The following IKBKB-DT variants were observed in gnomAD, a reference collection of about 807,000 sequenced individuals.
IKBKB-DT encodes the protein IKBKB divergent transcript, also known as IKBKB antisense RNA.
intron 3 of IKBKB-DT, among the ~76,000 whole-genome samples, chr8:42,247,311 C>T (rs926804617): frequency 2.6e-5 from 4 of 152,174 alleles, no homozygotes; most frequent in East Asian, 1.9e-4. Flanking sequence ...TGCTGGATTT[C>T]GGACTTGCAT....
At chr8:42,237,094 T>C (rs945501583) in intron 3 of IKBKB-DT, among the ~76,000 whole-genome samples, 41 of 148,678 alleles carry the variant, frequency 2.8e-4, no homozygotes. Context: ...TTTTTTTTTG[T>C]TTGTTTGTTT....
chr8:42,257,930 CTT>C (rs771867322), intron 3 of IKBKB-DT, among the ~76,000 whole-genome samples: 86 of 140,376 alleles, frequency 6.1e-4, no homozygotes, highest in Non-Finnish European at 6.4e-4. Flanking sequence ...ATACAGTTTT[CTT>C]TTTTTTTTTT....
At chr8:42,239,018 G>A (rs1264020256) in intron 3 of IKBKB-DT, among the ~76,000 whole-genome samples, 1 of 152,100 alleles carries the variant, frequency 6.6e-6, no homozygotes, top group African/African-American at 2.4e-5. Context: ...TTTCTGTGCA[G>A]CACACAAGAA....
intron 3 of IKBKB-DT, among the ~76,000 whole-genome samples, chr8:42,247,127 C>T (rs117714124): frequency 4.9e-4 from 75 of 152,244 alleles, no homozygotes; most frequent in African/African-American, 1.1e-3. Flanking sequence ...CCACAGACAA[C>T]GCCACAAACA....
chr8:42,266,964 T>A (rs2129937652), intron 1 of IKBKB-DT, among the ~76,000 whole-genome samples: 1 of 152,116 alleles, frequency 6.6e-6, no homozygotes, highest in South Asian at 2.1e-4. Context: ...GTAGCCGTTC[T>A]GTTATTCCTT....
At chr8:42,265,062 C>T (rs1464297576) in intron 2 of IKBKB-DT, among the ~76,000 whole-genome samples, 1 of 152,038 alleles carries the variant, frequency 6.6e-6, no homozygotes, top group Non-Finnish European at 1.5e-5. Context: ...GGGGTTTCAC[C>T]ATGTTGGTCA....
At position 42,244,473 on chromosome 8, in the gene IKBKB-DT, C is replaced by A. The variant is rs183628926; in HGVS notation, n.1530-10614G>T. The stretch of plus-strand genomic sequence containing the variant: ...GGTAAACAGACCTGATTTAAGTATG[C>A]CACATTCCTTTTACTTCTTTTAATC... On this transcript the variant is annotated intron_variant and non_coding_transcript_variant, in intron 3 of 3. Coordinates refer to ENST00000518213, the Ensembl canonical transcript of IKBKB-DT. Among the ~76,000 whole-genome samples, 347 of 152,254 alleles carry A rather than the reference C, an allele frequency of 2.3e-3. 1 individual carries two copies. Among genetic ancestry groups the A allele is most frequent in the South Asian group, 2.7e-3 (13 of 4,822 alleles).
intron 3 of IKBKB-DT, among the ~76,000 whole-genome samples, chr8:42,257,983 A>T (rs752903878): frequency 1.3e-5 from 2 of 151,748 alleles, no homozygotes; most frequent in Non-Finnish European, 2.9e-5. Flanking sequence ...AGTCTTCTTA[A>T]GTAATCAAAC....
chr8:42,247,075 A>G (rs960719036), intron 3 of IKBKB-DT, among the ~76,000 whole-genome samples: 1 of 152,120 alleles, frequency 6.6e-6, no homozygotes, highest in African/African-American at 2.4e-5. Flanking sequence ...AGACCCCAAA[A>G]TGGTAGATCC....
intron 2 of IKBKB-DT, among the ~76,000 whole-genome samples, chr8:42,265,156 C>T (rs1261660151): frequency 6.6e-6 from 1 of 152,176 alleles, no homozygotes; most frequent in East Asian, 1.9e-4. Flanking sequence ...AGCCATCGTG[C>T]CCAGCCCATT....
chr8:42,267,159 C>T (rs7018256), intron 1 of IKBKB-DT, among the ~76,000 whole-genome samples: 5,465 of 152,040 alleles, frequency 0.036, 329 homozygotes, highest in African/African-American at 0.13. Flanking sequence ...CGCCCGCCAC[C>T]ATGCCTGGCT....
intron 3 of IKBKB-DT, among the ~76,000 whole-genome samples, chr8:42,237,016 G>A (rs895910583): frequency 3.3e-5 from 5 of 151,646 alleles, no homozygotes; most frequent in South Asian, 2.1e-4. Flanking sequence ...CACCACACCC[G>A]GCCAATGTAG....
chr8:42,250,941 A>G (rs1262366489), intron 3 of IKBKB-DT, among the ~76,000 whole-genome samples: 3 of 152,206 alleles, frequency 2.0e-5, no homozygotes, highest in Non-Finnish European at 2.9e-5. Context: ...TCCTAGAGAA[A>G]CAAATGGAGG....
At chr8:42,268,809 TGCCTACCTTG>T (rs892856474) in intron 1 of IKBKB-DT, among the ~76,000 whole-genome samples, 1 of 152,072 alleles carries the variant, frequency 6.6e-6, no homozygotes, top group Non-Finnish European at 1.5e-5. Flanking sequence ...TCAAGTGATC[TGCCTACCTTG>T]GCCTCCCAAA....
rs530710609 is a variant in IKBKB-DT, at chr8:42,262,661, G to A, written n.1529+668C>T. 5.8e-3 allele frequency among the ~76,000 whole-genome samples: 877 copies of A among 151,958 alleles called. 6 individuals carry two copies. The highest frequency in any genetic ancestry group is 0.012 in the South Asian group (57 of 4,818). ...TCACCGTGTTAGCCAGGATGGTCTC[G>A]ATCTCCTGACCTCGTGATCCGCCCG... On this transcript the variant is annotated intron_variant and non_coding_transcript_variant, in intron 3 of 3. Transcript: ENST00000518213.
intron 1 of IKBKB-DT, among the ~76,000 whole-genome samples, chr8:42,268,956 C>CTATT (rs1807421734): frequency 1.3e-5 from 2 of 152,176 alleles, no homozygotes; most frequent in African/African-American, 4.8e-5. Flanking sequence ...TGTGTTACAA[C>CTATT]TATTTACTCA....
chr8:42,262,848 C>T (rs904968142), intron 3 of IKBKB-DT, among the ~76,000 whole-genome samples: 3 of 152,050 alleles, frequency 2.0e-5, no homozygotes, highest in Non-Finnish European at 4.4e-5. Context: ...TAGTGATCCT[C>T]CTGCCTCAGC....
intron 1 of IKBKB-DT, among the ~76,000 whole-genome samples, chr8:42,268,826 C>T (rs1375116012): frequency 1.3e-4 from 20 of 152,150 alleles, no homozygotes; most frequent in Admixed American, 1.2e-3. Flanking sequence ...CTTGGCCTCC[C>T]AAAGTGCTGG....
intron 3 of IKBKB-DT, among the ~76,000 whole-genome samples, chr8:42,236,568 C>G (rs770543565): frequency 6.6e-6 from 1 of 152,108 alleles, no homozygotes; most frequent in Non-Finnish European, 1.5e-5. Context: ...AGTTTGAGAC[C>G]AGCCTGACCA....
Sources: allele counts gnomAD v4.1 joint callset (sites outside exome capture counted in the v4.1 genomes callset), GRCh38; gene constraint gnomAD v4.1.1; transcripts MANE v1.5; gene names NCBI Gene and HGNC (gene_info 2026-07-23, HGNC 2026-07-21).